Variants in MFSD8 observed in about 807,000 individuals in gnomAD.
The protein encoded by MFSD8 is major facilitator superfamily domain-containing protein 8.
A neutral mutation model predicts 66.4 loss-of-function variants in MFSD8; 55 were observed. The ratio of observed to expected loss-of-function variants is 0.83; its 90% CI spans 0.67 to 1.04. The LOEUF (loss-of-function observed/expected upper bound fraction) is 1.04. Among genes scored for constraint, MFSD8 ranks in the 50% least tolerant of loss-of-function variants. MFSD8 has a pLI of 0.00. For synonymous variants in MFSD8, 202 were observed against 212.8 expected (o/e 0.95, Z 0.44); for missense variants, 550 against 627.6 (o/e 0.88, Z 1.32).
At position 127,949,881 on chromosome 4, in the gene MFSD8, T is replaced by A. The variant is rs182059984; in HGVS notation, c.155-34A>T. On this transcript the variant is annotated intron_variant, in intron 2 of 11. Coordinates refer to ENST00000641686, the MANE Select transcript of MFSD8 (RefSeq NM_001371596.2). ...AAGCAAACTAGGTTATTTATACTTA[T>A]AATAATTTAATCATTATTACAGATA... 5.7e-4 allele frequency: 893 copies of A among 1,556,762 alleles called. 8 individuals are homozygous for A. In the African/African-American group the frequency reaches 0.011, roughly 19 times the overall value.
At chr4:127,929,266 T>C in intron 9 of MFSD8, among the ~76,000 whole-genome samples, 1 of 127,620 alleles carries the variant, frequency 7.8e-6, no homozygotes, top group Admixed American at 1.1e-4. Flanking sequence ...GAGGTTGCAG[T>C]GAGCTGAGAT....
intron 11 of MFSD8, 181 bp downstream of exon 11, chr4:127,921,343 C>T: frequency 9.8e-7 from 1 of 1,025,018 alleles, no homozygotes; most frequent in Non-Finnish European, 1.4e-6. Flanking sequence ...AAAACTATAA[C>T]CCACATAACC....
intron 3 of MFSD8, among the ~76,000 whole-genome samples, chr4:127,948,654 A>G (rs1463871853): frequency 1.3e-5 from 2 of 152,200 alleles, no homozygotes; most frequent in African/African-American, 2.4e-5. Context: ...CCAACTAACA[A>G]TTGGATCATG....
rs540078395 is a variant in MFSD8 at position 127,925,017 on chromosome 4, G to A, written c.999-3054C>T. Among the ~76,000 whole-genome samples the A allele has an allele frequency of 4.9e-4, 74 of 152,296 alleles. 1 individual carries two copies. The South Asian group carries it at 0.015, about 31-fold the overall frequency. On this transcript the variant is annotated intron_variant, in intron 9 of 11. Transcript: ENST00000641686. ...AAGGATTCCCTATTTAATAAATGGTGTTGGGAAAACTGGCTAGCCATACGC... is the reference window on the plus strand; with the variant it reads ...AAGGATTCCCTATTTAATAAATGGTATTGGGAAAACTGGCTAGCCATACGC...
chr4:127,957,657 C>G, intron 1 of MFSD8, 65 bp from the exon 2 acceptor site: 1 of 1,055,562 alleles, frequency 9.5e-7, no homozygotes, highest in Non-Finnish European at 1.5e-6. Flanking sequence ...TAAGTGTCAA[C>G]AGTTTTATTC....
At chr4:127,953,571 T>TG (rs1186169607) in intron 2 of MFSD8, among the ~76,000 whole-genome samples, 3 of 139,720 alleles carry the variant, frequency 2.1e-5, no homozygotes, top group African/African-American at 8.3e-5. Flanking sequence ...TTTTTTTTTT[T>TG]GAGACGGAAT....
chr4:127,922,455 C>T (rs1247751411), intron 9 of MFSD8, among the ~76,000 whole-genome samples: 2 of 152,026 alleles, frequency 1.3e-5, no homozygotes, highest in Admixed American at 1.3e-4. Flanking sequence ...AAGACCCCAT[C>T]TCTACAAAAA....
chr4:127,962,963 G>C (rs1744048804), intron 1 of MFSD8, among the ~76,000 whole-genome samples: 1 of 152,156 alleles, frequency 6.6e-6, no homozygotes, highest in Admixed American at 6.5e-5. Context: ...GTCATAGACA[G>C]CTGAAGTTTA....
chr4:127,920,104 T>G lies in MFSD8; in HGVS notation c.*526A>C. On this transcript the variant is annotated 3_prime_UTR_variant, in exon 12 of 12. Transcript: ENST00000641686. Reference sequence around the variant, plus strand: ...AAGGTAGGATGTTAGGCACGCTAAATGGAAAATATGTGTTATAATTTTTAT... The same window carrying G: ...AAGGTAGGATGTTAGGCACGCTAAAGGGAAAATATGTGTTATAATTTTTAT... 6.2e-6 allele frequency: 1 copy of G among 161,194 alleles called. No homozygotes were observed. Among genetic ancestry groups the G allele is most frequent in the Non-Finnish European group, 1.4e-5 (1 of 73,468 alleles). The allele number at this position is 161,194 out of a possible 1,614,324, so 10.0% of individuals were successfully genotyped here.
In MFSD8 at chr4:127,930,665, C is replaced by CA. The variant is rs1213131290; in HGVS notation, c.998+17dup. 1 of 1,612,312 alleles carries CA rather than the reference C, an allele frequency of 6.2e-7. No homozygotes were observed. The highest frequency in any genetic ancestry group is 8.5e-7 in the Non-Finnish European group (1 of 1,179,438). ...TATTTTTTAAAAACAGACATAAAACCAAAAACACTTAACTTACTTTTTGGA... is the reference window on the plus strand; with the variant it reads ...TATTTTTTAAAAACAGACATAAAACCAAAAAACACTTAACTTACTTTTTGGA... On this transcript the variant is annotated intron_variant, in intron 9 of 11. Coordinates refer to ENST00000641686, the MANE Select transcript of MFSD8 (RefSeq NM_001371596.2).
chr4:127,937,862 A>G (rs2148898238), intron 7 of MFSD8, among the ~76,000 whole-genome samples: 1 of 152,340 alleles, frequency 6.6e-6, no homozygotes, highest in East Asian at 1.9e-4. Flanking sequence ...AGTACCTGGT[A>G]AAATAGTAAA....
chr4:127,931,080 G>A (rs1039055833), intron 8 of MFSD8, among the ~76,000 whole-genome samples: 1 of 152,098 alleles, frequency 6.6e-6, no homozygotes, highest in Non-Finnish European at 1.5e-5. Flanking sequence ...CAGAAAGTCT[G>A]AAACAAAGGA....
intron 11 of MFSD8, 124 bp downstream of exon 11, chr4:127,921,400 T>A: frequency 6.6e-7 from 1 of 1,505,060 alleles, no homozygotes; most frequent in Non-Finnish European, 9.1e-7. Context: ...TTAAAAATTT[T>A]AAATGCTGAA....
intron 3 of MFSD8, among the ~76,000 whole-genome samples, chr4:127,946,839 T>C (rs573951178): frequency 8.8e-4 from 132 of 150,046 alleles, no homozygotes; most frequent in Non-Finnish European, 1.4e-3. Flanking sequence ...CACTTGAACC[T>C]TGGAGGTGGA....
At chr4:127,958,970 G>C (rs544863065) in intron 1 of MFSD8, among the ~76,000 whole-genome samples, 1 of 152,278 alleles carries the variant, frequency 6.6e-6, no homozygotes, top group African/African-American at 2.4e-5. Context: ...TTAAGGAGAG[G>C]ATAGTCAAAG....
rs1009225991 is a variant in MFSD8, at chr4:127,943,604, A to G, written c.439+148T>C. The G allele has an allele frequency of 1.3e-5, 12 of 946,004 alleles. No individual in the cohort carries two copies. In the African/African-American group the frequency reaches 2.0e-4, roughly 16 times the overall value. The allele number at this position is 946,004 out of a possible 1,614,324, so 58.6% of individuals were successfully genotyped here. ...GAACATCATGAGCAAAGGCAAAATGATAAGAAAAATATTTGTTTACAATGA... is the reference window on the plus strand; with the variant it reads ...GAACATCATGAGCAAAGGCAAAATGGTAAGAAAAATATTTGTTTACAATGA... On this transcript the variant is annotated intron_variant, in intron 4 of 11. Coordinates refer to ENST00000641686, the MANE Select transcript of MFSD8 (RefSeq NM_001371596.2).
rs1022262893 is a variant in MFSD8 at position 127,935,541 on chromosome 4, T to C, written c.755-2448A>G. Reference sequence around the variant, plus strand: ...GAATAGCTTTAAATTAAAACAATTATGGAAGTTTTTACCAGACATATTTTA... The same window carrying C: ...GAATAGCTTTAAATTAAAACAATTACGGAAGTTTTTACCAGACATATTTTA... On this transcript the variant is annotated intron_variant, in intron 7 of 11. Transcript: ENST00000641686. Among the ~76,000 whole-genome samples the C allele has an allele frequency of 3.3e-5, 5 of 152,224 alleles. No individual in the cohort carries two copies. In the South Asian group the frequency reaches 6.2e-4, roughly 19 times the overall value.
chr4:127,931,847 G>T (rs981958854), intron 8 of MFSD8, among the ~76,000 whole-genome samples: 1 of 152,120 alleles, frequency 6.6e-6, no homozygotes, highest in South Asian at 2.1e-4. Context: ...GGAGGCTCAC[G>T]TCTGTAATCC....
chr4:127,941,202 T>A (rs1204033065), intron 5 of MFSD8, among the ~76,000 whole-genome samples: 1 of 152,122 alleles, frequency 6.6e-6, no homozygotes, highest in African/African-American at 2.4e-5. Context: ...ACTGAAATAG[T>A]AGATTTTGGT....
Sources: allele counts gnomAD v4.1 joint callset (sites outside exome capture counted in the v4.1 genomes callset), GRCh38; gene constraint gnomAD v4.1.1; transcripts MANE v1.5; gene names NCBI Gene and HGNC (gene_info 2026-07-23, HGNC 2026-07-21).